Variants in ANO4 observed in about 807,000 individuals in gnomAD.
ANO4 encodes anoctamin 4, also known as anoctamin-4.
In ANO4, 69 loss-of-function variants were observed where a neutral mutation model predicts 141.9. The observed-to-expected ratio is 0.49, with a 90% confidence interval of 0.40 to 0.59. ANO4 has a LOEUF of 0.59. Ranked by LOEUF, ANO4 falls within the 20% of genes least tolerant of loss-of-function variation. ANO4 has a pLI of 0.00. For missense variants in ANO4, 894 were observed against 1,162.2 expected (o/e 0.77, Z 3.36); for synonymous variants, 350 against 394.3 (o/e 0.89, Z 1.33).
chr12:100,896,413 G>C (rs2040358416), intron 1 of ANO4, among the ~76,000 whole-genome samples: 1 of 151,546 alleles, frequency 6.6e-6, no homozygotes, highest in South Asian at 2.1e-4. Context: ...CCCGTGAGAA[G>C]CTGAAGGAGG....
At position 101,042,472 on chromosome 12, in the gene ANO4, CG is replaced by C; in HGVS notation, c.1154+8del. 1.2e-6 allele frequency: 2 copies of C among 1,613,956 alleles called. No homozygotes were observed. Among genetic ancestry groups the C allele is most frequent in the South Asian group, 1.1e-5 (1 of 91,074 alleles). On this transcript the variant is annotated splice_donor_5th_base_variant and intron_variant, in intron 12 of 27. Transcript: ENST00000392977. The stretch of plus-strand genomic sequence containing the variant: ...CTCTGGATCACAGCCAAGTCAGGTA[CG>C]GGGAGCTCTTGGATGAGTTTGCCTT...
At chr12:101,032,670 C>A (rs1217154724) in intron 9 of ANO4, among the ~76,000 whole-genome samples, 1 of 150,914 alleles carries the variant, frequency 6.6e-6, no homozygotes, top group Admixed American at 6.6e-5. Flanking sequence ...CATGAACAGA[C>A]ACTTCTCAAA....
At chr12:101,013,907 A>T (rs1039376516) in intron 8 of ANO4, among the ~76,000 whole-genome samples, 1 of 152,178 alleles carries the variant, frequency 6.6e-6, no homozygotes, top group Non-Finnish European at 1.5e-5. Context: ...AAGTTTAGGA[A>T]AAAAAGAAAG....
rs890605651 is a variant in ANO4, at chr12:100,921,066, C to T, written c.56-1160C>T. 5.9e-5 allele frequency among the ~76,000 whole-genome samples: 9 copies of T among 152,208 alleles called. 1 individual carries two copies. The highest frequency in any genetic ancestry group is 1.3e-4 in the Admixed American group (2 of 15,278). ...TCCAGAATCTGAGCTTGTAGCTTTG[C>T]TCTTAGCTCTGTTGTTTTGGTTTTA... On this transcript the variant is annotated intron_variant, in intron 2 of 27. Coordinates refer to ENST00000392977, the MANE Select transcript of ANO4 (RefSeq NM_001286615.2).
At chr12:100,792,330 G>T (rs1225877885), upstream of ANO4, among the ~76,000 whole-genome samples, 1 of 152,134 alleles carries the variant, frequency 6.6e-6, no homozygotes, top group Non-Finnish European at 1.5e-5. Flanking sequence ...CAGGAAAAAG[G>T]CATTAAATCG....
chr12:101,038,561 A>G (rs1489553711), intron 10 of ANO4: 1 of 152,198 alleles, frequency 6.6e-6, no homozygotes, highest in Non-Finnish European at 1.5e-5. Context: ...TCATTGCATC[A>G]TTGCTTTTCT....
At chr12:100,919,724 GTGTGTA>G (rs1592717542) in intron 2 of ANO4, among the ~76,000 whole-genome samples, 3 of 120,824 alleles carry the variant, frequency 2.5e-5, no homozygotes, top group East Asian at 2.4e-4. Flanking sequence ...ATGTATGTAT[GTGTGTA>G]TGTATGTATC....
At position 100,881,429 on chromosome 12, in the gene ANO4, G is replaced by GAA. The variant is rs74531908; in HGVS notation, c.-140-20204_-140-20203dup. 3.1e-4 allele frequency among the ~76,000 whole-genome samples: 43 copies of GAA among 136,614 alleles called. 1 individual carries two copies. Among genetic ancestry groups the GAA allele is most frequent in the Non-Finnish European group, 4.7e-4 (29 of 62,266 alleles). 89.6% of individuals were successfully genotyped at this position (136,614 alleles called of 152,430 possible). ...ATAATAAAACTGTTTTTATCTTTAG[G>GAA]AAAAAAAAAAAAAAGAATATGCTCC... On this transcript the variant is annotated intron_variant, in intron 1 of 27. Coordinates refer to ENST00000392977, the MANE Select transcript of ANO4 (RefSeq NM_001286615.2).
chr12:101,064,342 T>C (rs1165342625), intron 14 of ANO4, among the ~76,000 whole-genome samples: 2 of 152,242 alleles, frequency 1.3e-5, no homozygotes, highest in Non-Finnish European at 2.9e-5. Context: ...GCTGTTAGTT[T>C]CTAACTTCAT....
At chr12:100,750,860 T>C (rs1226528427) in intron 3 of ANO4, among the ~76,000 whole-genome samples, 1 of 152,188 alleles carries the variant, frequency 6.6e-6, no homozygotes, top group Non-Finnish European at 1.5e-5. Flanking sequence ...GTTCTGGTTC[T>C]CTGGGAAATA....
Position 100,901,712 on chromosome 12 carries a change from G to C in ANO4, c.-74G>C, listed in dbSNP as rs773587691. 7.3e-7 allele frequency: 1 copy of C among 1,377,430 alleles called. No homozygotes were observed. Among genetic ancestry groups the C allele is most frequent in the South Asian group, 1.2e-5 (1 of 86,220 alleles). The allele number at this position is 1,377,430 out of a possible 1,614,324, so 85.3% of individuals were successfully genotyped here. On this transcript the variant is annotated 5_prime_UTR_variant, in exon 2 of 28. Transcript: ENST00000392977. ...ATCCATCAACGGCGAAGTGTGGCAA[G>C]CCGCCCAGCGTCACGTCGTCGCCTG...
At chr12:100,975,491 C>T (rs1442305171) in intron 7 of ANO4, among the ~76,000 whole-genome samples, 4 of 150,402 alleles carry the variant, frequency 2.7e-5, no homozygotes, top group South Asian at 2.1e-4. Flanking sequence ...GTACCATCTC[C>T]GCTAACCGCA....
chr12:100,841,860 T>C (rs906353920), intron 1 of ANO4, among the ~76,000 whole-genome samples: 1 of 152,208 alleles, frequency 6.6e-6, no homozygotes, highest in African/African-American at 2.4e-5. Context: ...TGTTTGCTCT[T>C]TGTAGACAAC....
At chr12:100,813,963 T>A (rs1370701441) in intron 1 of ANO4, among the ~76,000 whole-genome samples, 2 of 152,194 alleles carry the variant, frequency 1.3e-5, no homozygotes, top group African/African-American at 4.8e-5. Flanking sequence ...ACCACTCATC[T>A]ACTGCATGTA....
intron 1 of ANO4, among the ~76,000 whole-genome samples, chr12:100,833,706 A>G (rs7313477): frequency 0.83 from 125,805 of 151,972 alleles, 52,113 homozygotes; most frequent in Admixed American, 0.87. Context: ...GGTGTCTAGC[A>G]GAGTGTCTGG....
intron 8 of ANO4, among the ~76,000 whole-genome samples, chr12:100,994,257 A>G (rs1039750591): frequency 3.3e-5 from 5 of 152,138 alleles, no homozygotes; most frequent in Non-Finnish European, 5.9e-5. Flanking sequence ...ATTAAACTCT[A>G]TTTGAATCTA....
chr12:101,054,530 C>A (rs945366633), intron 14 of ANO4, among the ~76,000 whole-genome samples: 1 of 152,150 alleles, frequency 6.6e-6, no homozygotes, highest in Non-Finnish European at 1.5e-5. Context: ...GACGGAGTCT[C>A]GCTCTGTCCC....
intron 9 of ANO4, 113 bp from the exon 10 acceptor site, chr12:101,036,982 A>C (rs965240613): frequency 9.9e-7 from 1 of 1,011,578 alleles, no homozygotes; most frequent in East Asian, 2.5e-5. Context: ...TGCCCCTAAG[A>C]GGGTTGATAG....
At chr12:100,919,518 T>G (rs1263727826) in intron 2 of ANO4, among the ~76,000 whole-genome samples, 1 of 152,184 alleles carries the variant, frequency 6.6e-6, no homozygotes, top group Non-Finnish European at 1.5e-5. Context: ...AGCAATAGGC[T>G]GCACCATGTA....
Sources: allele counts gnomAD v4.1 joint callset (sites outside exome capture counted in the v4.1 genomes callset), GRCh38; gene constraint gnomAD v4.1.1; transcripts MANE v1.5; gene names NCBI Gene and HGNC (gene_info 2026-07-23, HGNC 2026-07-21).